TGS1: variants seen among roughly 807,000 people sequenced by gnomAD.
The protein encoded by TGS1 is trimethylguanosine synthase.
Under a neutral mutation model 92.2 loss-of-function variants are expected in TGS1, and 69 were observed. The observed-to-expected ratio is 0.75, with a 90% CI of 0.62 to 0.91. The LOEUF (loss-of-function observed/expected upper bound fraction) is 0.91. Among genes scored for constraint, TGS1 ranks in the 40% least tolerant of loss-of-function variants. TGS1 has a pLI of 0.00. For missense variants in TGS1, 1,062 were observed against 1,001.2 expected (o/e 1.06, Z -0.82); for synonymous variants, 345 against 338.1 (o/e 1.02, Z -0.22).
chr8:55,814,936 A>G (rs944180632), intron 12 of TGS1, among the ~76,000 whole-genome samples: 1 of 151,992 alleles, frequency 6.6e-6, no homozygotes, highest in South Asian at 2.1e-4. Context: ...TCTACTTCTC[A>G]TATGATTCAG....
At chr8:55,793,509 G>A (rs1172887070) in intron 6 of TGS1, among the ~76,000 whole-genome samples, 1 of 152,184 alleles carries the variant, frequency 6.6e-6, no homozygotes, top group Non-Finnish European at 1.5e-5. Flanking sequence ...TTTGGCATAC[G>A]TCCCTCCAAA....
intron 10 of TGS1, among the ~76,000 whole-genome samples, 165 bp downstream of exon 10, chr8:55,805,201 G>A (rs1440885765): frequency 6.6e-6 from 1 of 152,060 alleles, no homozygotes; most frequent in Non-Finnish European, 1.5e-5. Context: ...ACTTTGTATT[G>A]CATACTGGTG....
intron 1 of TGS1, among the ~76,000 whole-genome samples, chr8:55,780,578 G>A (rs1266435435): frequency 2.6e-5 from 4 of 152,124 alleles, no homozygotes; most frequent in Non-Finnish European, 5.9e-5. Context: ...TCAGTATTTT[G>A]TGGGGGCATA....
In TGS1 at chr8:55,782,789, T is replaced by G. The variant is rs1242234694; in HGVS notation, c.143T>G (p.Ile48Ser). ...LYNLGLKGYYIRDSGNNSGDQ... is the reference protein window; with the variant it reads ...LYNLGLKGYYSRDSGNNSGDQ... ...AATTTGGGATTAAAAGGCTATTACA[T>G]CAGAGACAGTGGCAACAATTCAGGT... Residue 48 changes from isoleucine (I) to serine (S), a missense_variant, in exon 2 of 13, where the codon ATC (isoleucine) becomes AGC (serine). By Grantham distance (142) the Ile-to-Ser change is moderately radical. Transcript: ENST00000260129. 1 of 1,610,560 alleles carries G rather than the reference T, an allele frequency of 6.2e-7. No homozygotes were observed. The highest frequency in any genetic ancestry group is 1.3e-5 in the African/African-American group (1 of 74,754).
intron 12 of TGS1, among the ~76,000 whole-genome samples, chr8:55,821,823 C>G (rs1803646868): frequency 6.6e-6 from 1 of 151,470 alleles, no homozygotes; most frequent in Non-Finnish European, 1.5e-5. Context: ...CAGTACTAGC[C>G]GAGATCACGC....
In TGS1 at chr8:55,793,733, A is replaced by T. The variant is rs1049711694; in HGVS notation, c.1367+949A>T. On this transcript the variant is annotated intron_variant, in intron 6 of 12. Transcript: ENST00000260129. ...CAGGCATGCACCACCATGCCCTGCT[A>T]ATTTATTTATTTATTTATTTATTTA... 4.8e-5 allele frequency among the ~76,000 whole-genome samples: 7 copies of T among 144,964 alleles called. No homozygotes were observed. The South Asian group carries it at 1.3e-3, about 27-fold the overall frequency.
At chr8:55,821,244 A>G (rs1193278395) in intron 12 of TGS1, among the ~76,000 whole-genome samples, 1 of 152,150 alleles carries the variant, frequency 6.6e-6, no homozygotes, top group African/African-American at 2.4e-5. Flanking sequence ...CAGGAACAAT[A>G]TTTGTTTTAT....
intron 12 of TGS1, among the ~76,000 whole-genome samples, chr8:55,818,261 T>C (rs1803538709): frequency 6.6e-6 from 1 of 152,126 alleles, no homozygotes; most frequent in Admixed American, 6.5e-5. Flanking sequence ...CTCTGCAGCC[T>C]CCCAGACTGA....
chr8:55,792,557 G>T (rs1310497223), intron 5 of TGS1, 141 bp from the exon 6 acceptor site: 8 of 574,938 alleles, frequency 1.4e-5, no homozygotes, highest in Non-Finnish European at 1.3e-5. Flanking sequence ...TTTTTTTCCT[G>T]GTTTCCTGGA....
At chr8:55,794,726 C>CA (rs1811992915) in intron 6 of TGS1, among the ~76,000 whole-genome samples, 1 of 152,188 alleles carries the variant, frequency 6.6e-6, no homozygotes, top group African/African-American at 2.4e-5. Flanking sequence ...TGTGTTAGAA[C>CA]AACTAGAGAT....
chr8:55,790,389 A>C (rs1811846446), intron 5 of TGS1, 90 bp downstream of exon 5: 2 of 807,688 alleles, frequency 2.5e-6, no homozygotes, highest in Non-Finnish European at 4.2e-6. Flanking sequence ...TGTTATGTTC[A>C]CAACACCAGT....
At chr8:55,782,595 G>A (rs1412144278) in intron 1 of TGS1, among the ~76,000 whole-genome samples, 153 bp from the exon 2 acceptor site, 4 of 152,148 alleles carry the variant, frequency 2.6e-5, no homozygotes, top group Non-Finnish European at 4.4e-5. Context: ...ATGTATTATT[G>A]CCTCTACATT....
intron 1 of TGS1, among the ~76,000 whole-genome samples, chr8:55,775,895 G>A (rs1436463253): frequency 6.6e-6 from 1 of 152,126 alleles, no homozygotes; most frequent in Non-Finnish European, 1.5e-5. Context: ...TAAGTACACT[G>A]TCACCAAGTG....
At chr8:55,823,079 T>G (rs1803693192) in intron 12 of TGS1, among the ~76,000 whole-genome samples, 1 of 152,210 alleles carries the variant, frequency 6.6e-6, no homozygotes, top group Non-Finnish European at 1.5e-5. Context: ...TTGCCAGGAC[T>G]CTCCACTGCA....
rs750128892 is a variant in TGS1 at position 55,786,494 on chromosome 8, A to G, written c.596A>G (p.Glu199Gly). 4 of 1,614,026 alleles carry G rather than the reference A, an allele frequency of 2.5e-6. No individual in the cohort carries two copies. The Admixed American group carries it at 6.7e-5, about 27-fold the overall frequency. The part of the protein sequence containing the change: ...SPKLEITEKW[E>G]KYWNEYGGGL... The stretch of plus-strand genomic sequence containing the variant: ...AAGCTAGAAATTACAGAGAAATGGG[A>G]AAAGTATTGGAATGAATATGGAGGA... The change falls in exon 4 of 13, where the codon GAA becomes GGA. Residue 199 changes from glutamate to glycine, a missense_variant. Transcript: ENST00000260129.
chr8:55,803,692 C>CTTTTTTTTTT (rs111520676), intron 9 of TGS1, among the ~76,000 whole-genome samples: 1 of 144,150 alleles, frequency 6.9e-6, no homozygotes, highest in African/African-American at 2.5e-5. Flanking sequence ...TTTTTCTTTT[C>CTTTTTTTTTT]TTTTTTTTTT....
At chr8:55,780,176 C>CCT (rs1563449439) in intron 1 of TGS1, among the ~76,000 whole-genome samples, 1 of 107,102 alleles carries the variant, frequency 9.3e-6, no homozygotes, top group East Asian at 2.8e-4. Flanking sequence ...TTTTTTTTTT[C>CCT]TTTTTTTTTT....
intron 12 of TGS1, among the ~76,000 whole-genome samples, chr8:55,817,381 T>C (rs941957514): frequency 1.3e-5 from 2 of 152,228 alleles, no homozygotes; most frequent in African/African-American, 4.8e-5. Context: ...AATAGAGTTG[T>C]AAGTATTTGA....
chr8:55,805,175 C>T, intron 10 of TGS1, 139 bp downstream of exon 10: 1 of 593,492 alleles, frequency 1.7e-6, no homozygotes, highest in Non-Finnish European at 2.6e-6. Context: ...TAATAGCTAG[C>T]ATATATTAAG....
Sources: gnomAD v4.1 joint callset for allele counts (sites outside exome capture counted in the v4.1 genomes callset) on GRCh38, gnomAD v4.1.1 for gene constraint, MANE v1.5 for transcripts, NCBI Gene and HGNC (gene_info 2026-07-23, HGNC 2026-07-21) for gene names.